Variants in ABI3BP observed in about 807,000 individuals in gnomAD.
The protein encoded by ABI3BP is target of Nesh-SH3.
Under a neutral mutation model 268.6 loss-of-function variants are expected in ABI3BP, and 216 were observed. The ratio of observed to expected loss-of-function variants is 0.80; its 90% CI spans 0.72 to 0.90. ABI3BP has a LOEUF of 0.90. ABI3BP is among the 40% of genes least tolerant of loss of function. The pLI, the probability that ABI3BP is intolerant of heterozygous loss-of-function variation, is 0.00. For synonymous variants in ABI3BP, 730 were observed against 730.0 expected (o/e 1.00, Z 0.00); for missense variants, 2,090 against 2,182.4 (o/e 0.96, Z 0.84).
chr3:100,936,814 G>C (rs2066368245), intron 1 of ABI3BP, among the ~76,000 whole-genome samples: 1 of 151,944 alleles, frequency 6.6e-6, no homozygotes, highest in African/African-American at 2.4e-5. Context: ...CTGTGGGATT[G>C]GTGGTAATAT....
chr3:100,933,610 C>A, intron 1 of ABI3BP, among the ~76,000 whole-genome samples: 2 of 136,842 alleles, frequency 1.5e-5, no homozygotes, highest in South Asian at 2.5e-4. Flanking sequence ...AGGCAAGCTA[C>A]CCATTGGGAG....
chr3:100,825,777 G>A lies in ABI3BP; in HGVS notation c.2662+8C>T, dbSNP rs760838792. On this transcript the variant is annotated splice_region_variant and intron_variant, in intron 35 of 67. Coordinates refer to ENST00000471714, the MANE Select transcript of ABI3BP (RefSeq NM_001375547.2). ...TGGCAAACAGCCAGGTAATTGTAGGGTCGTTACCTAAGGTTGTTGCAGGGA... is the reference window on the plus strand; with the variant it reads ...TGGCAAACAGCCAGGTAATTGTAGGATCGTTACCTAAGGTTGTTGCAGGGA... 2.6e-6 allele frequency: 4 copies of A among 1,533,342 alleles called. No individual in the cohort carries two copies. The African/African-American group carries it at 5.5e-5, about 21-fold the overall frequency. 95.0% of individuals were successfully genotyped at this position (1,533,342 alleles called of 1,614,324 possible).
At chr3:100,776,341 C>T (rs1410799469) in intron 59 of ABI3BP, among the ~76,000 whole-genome samples, 4 of 152,120 alleles carry the variant, frequency 2.6e-5, no homozygotes, top group African/African-American at 9.7e-5. Flanking sequence ...TGAGTATGAG[C>T]CACAATAAGA....
intron 51 of ABI3BP, among the ~76,000 whole-genome samples, chr3:100,803,719 C>A (rs1364173784): frequency 6.6e-6 from 1 of 152,118 alleles, no homozygotes; most frequent in African/African-American, 2.4e-5. Flanking sequence ...TGAAAATAAG[C>A]TGATCTTTTG....
intron 12 of ABI3BP, chr3:100,863,597 T>C: frequency 5.7e-6 from 1 of 174,634 alleles, no homozygotes; most frequent in Non-Finnish European, 1.2e-5. Flanking sequence ...CTTACAGGCA[T>C]GAGCCGCTGC....
chr3:100,855,733 G>A (rs1036537250), intron 14 of ABI3BP, among the ~76,000 whole-genome samples: 2 of 152,178 alleles, frequency 1.3e-5, no homozygotes, highest in African/African-American at 4.8e-5. Flanking sequence ...ATACACTTGT[G>A]TAGACATACC....
intron 41 of ABI3BP, 91 bp from the exon 42 acceptor site, chr3:100,817,586 G>T (rs375206567): frequency 1.9e-6 from 2 of 1,038,720 alleles, no homozygotes; most frequent in Non-Finnish European, 1.3e-6. Flanking sequence ...TAAAAGTAAG[G>T]CTTGTTTTTT....
chr3:100,860,557 A>C (rs567589486), intron 14 of ABI3BP, among the ~76,000 whole-genome samples: 1 of 152,178 alleles, frequency 6.6e-6, no homozygotes, highest in African/African-American at 2.4e-5. Flanking sequence ...GATATCATCT[A>C]TTTTCGTCTC....
intron 63 of ABI3BP, among the ~76,000 whole-genome samples, chr3:100,756,925 G>C (rs955343185): frequency 1.3e-5 from 2 of 151,830 alleles, no homozygotes; most frequent in Non-Finnish European, 1.5e-5. Context: ...TATTTGTGTT[G>C]GTAAAATTTT....
intron 57 of ABI3BP, among the ~76,000 whole-genome samples, chr3:100,780,613 A>C (rs932907408): frequency 1.3e-5 from 2 of 152,094 alleles, no homozygotes; most frequent in African/African-American, 2.4e-5. Context: ...ATTAAAAAAA[A>C]CCCACACACA....
intron 2 of ABI3BP, among the ~76,000 whole-genome samples, chr3:100,914,880 C>T (rs984631558): frequency 6.6e-6 from 1 of 152,094 alleles, no homozygotes; most frequent in African/African-American, 2.4e-5. Context: ...TTGAGGAAGA[C>T]ATTATTGGAG....
intron 27 of ABI3BP, among the ~76,000 whole-genome samples, chr3:100,836,729 A>G (rs1337964543): frequency 1.3e-5 from 2 of 152,224 alleles, no homozygotes; most frequent in Non-Finnish European, 2.9e-5. Flanking sequence ...GTTATGTACC[A>G]TCATGAGCTC....
intron 2 of ABI3BP, among the ~76,000 whole-genome samples, chr3:100,924,956 C>T (rs139066000): frequency 2.2e-3 from 332 of 152,210 alleles, no homozygotes; most frequent in African/African-American, 7.5e-3. Context: ...GGCAAACACA[C>T]GGCTTCCGGT....
At chr3:100,926,088 G>A (rs1388606248) in intron 2 of ABI3BP, among the ~76,000 whole-genome samples, 2 of 152,008 alleles carry the variant, frequency 1.3e-5, no homozygotes, top group Non-Finnish European at 1.5e-5. Context: ...TAGCCAGGGA[G>A]AATGAAGATA....
chr3:100,843,760 C>A (rs1266269554), intron 20 of ABI3BP: 6 of 980,606 alleles, frequency 6.1e-6, no homozygotes, highest in Non-Finnish European at 7.3e-6. Context: ...ATCAAATAAG[C>A]ATTCATACCT....
intron 1 of ABI3BP, among the ~76,000 whole-genome samples, chr3:100,933,181 T>C (rs2064312785): frequency 6.6e-6 from 1 of 152,006 alleles, no homozygotes; most frequent in African/African-American, 2.4e-5. Flanking sequence ...ATTATTATTT[T>C]ATGTTTTCAA....
At chr3:100,887,644 T>G (rs1398072572) in intron 4 of ABI3BP, among the ~76,000 whole-genome samples, 1 of 152,098 alleles carries the variant, frequency 6.6e-6, no homozygotes, top group Non-Finnish European at 1.5e-5. Flanking sequence ...TTTTTATATC[T>G]TAACATTTTC....
At chr3:100,947,592 T>C (rs1459143469) in intron 1 of ABI3BP, among the ~76,000 whole-genome samples, 2 of 152,184 alleles carry the variant, frequency 1.3e-5, no homozygotes, top group Non-Finnish European at 2.9e-5. Context: ...GTCCAAATAC[T>C]GCCTATGGGG....
At chr3:100,864,673 C>G (rs1338555470) in intron 11 of ABI3BP, 160 bp downstream of exon 11, 2 of 607,248 alleles carry the variant, frequency 3.3e-6, no homozygotes, top group Admixed American at 6.0e-5. Flanking sequence ...TGGAATCTGT[C>G]CAAGAAAGAG....
Sources: gnomAD v4.1 joint callset for allele counts (sites outside exome capture counted in the v4.1 genomes callset) on GRCh38, gnomAD v4.1.1 for gene constraint, MANE v1.5 for transcripts, NCBI Gene and HGNC (gene_info 2026-07-23, HGNC 2026-07-21) for gene names.